CDKN2B-AS1: variants seen among roughly 807,000 people sequenced by gnomAD.
CDKN2B-AS1 encodes CDKN2B and CDKN2A antisense cis and trans regulatory RNA 1.
chr9:22,094,030 T>G (rs948860423), intron 4 of CDKN2B-AS1, among the ~76,000 whole-genome samples: 1 of 144,482 alleles, frequency 6.9e-6, no homozygotes, highest in African/African-American at 2.9e-5. Flanking sequence ...CAAAATCTCT[T>G]AGCATTTGCT....
intron 4 of CDKN2B-AS1, among the ~76,000 whole-genome samples, chr9:22,057,674 G>T (rs1029221492): frequency 6.6e-6 from 1 of 152,128 alleles, no homozygotes; most frequent in Admixed American, 6.5e-5. Context: ...CAGGTGTGGT[G>T]GTGGGCACCT....
chr9:22,035,746 G>A (rs1822660782), intron 1 of CDKN2B-AS1, among the ~76,000 whole-genome samples: 1 of 152,134 alleles, frequency 6.6e-6, no homozygotes, highest in Admixed American at 6.5e-5. Context: ...TCTTTCTGTG[G>A]TGTTTCCAGA....
intron 1 of CDKN2B-AS1, among the ~76,000 whole-genome samples, chr9:22,007,372 T>C (rs1004483606): frequency 6.6e-6 from 1 of 151,568 alleles, no homozygotes; most frequent in Non-Finnish European, 1.5e-5. Context: ...AAAAATAAAA[T>C]AAATAAATAA....
chr9:22,013,731 T>G (rs1051563389), intron 1 of CDKN2B-AS1, among the ~76,000 whole-genome samples: 12 of 152,216 alleles, frequency 7.9e-5, no homozygotes, highest in African/African-American at 2.9e-4. Context: ...GGATTGCAAG[T>G]GTGAACCACT....
At chr9:22,017,308 C>G (rs1163801360) in intron 1 of CDKN2B-AS1, among the ~76,000 whole-genome samples, 3 of 152,116 alleles carry the variant, frequency 2.0e-5, no homozygotes, top group African/African-American at 7.2e-5. Context: ...CACCTGTAGT[C>G]CCAGCTACTC....
chr9:22,036,473 A>G (rs760090753), intron 1 of CDKN2B-AS1, among the ~76,000 whole-genome samples: 2 of 152,106 alleles, frequency 1.3e-5, no homozygotes, highest in Non-Finnish European at 2.9e-5. Context: ...TCAAATAACA[A>G]AGTTAGTCTA....
At chr9:22,016,393 A>G (rs571047741) in intron 1 of CDKN2B-AS1, among the ~76,000 whole-genome samples, 4 of 152,348 alleles carry the variant, frequency 2.6e-5, no homozygotes, top group Admixed American at 6.5e-5. Context: ...TATAGATTCA[A>G]TGTCATCCCC....
intron 4 of CDKN2B-AS1, among the ~76,000 whole-genome samples, chr9:22,072,829 C>T (rs543092109): frequency 6.6e-6 from 1 of 152,260 alleles, no homozygotes; most frequent in South Asian, 2.1e-4. Context: ...TGACTACTGT[C>T]TTAACTTTGT....
chr9:22,107,725 A>G (rs1435899010), intron 4 of CDKN2B-AS1, among the ~76,000 whole-genome samples: 1 of 152,202 alleles, frequency 6.6e-6, no homozygotes. Flanking sequence ...ACTGGTCATT[A>G]TAGTCTTCCA....
At chr9:22,074,170 G>A (rs535547120) in intron 4 of CDKN2B-AS1, among the ~76,000 whole-genome samples, 1 of 152,216 alleles carries the variant, frequency 6.6e-6, no homozygotes, top group African/African-American at 2.4e-5. Flanking sequence ...GCACCTAGAG[G>A]ATTTCAATAA....
In CDKN2B-AS1 at chr9:22,083,813, T is replaced by C. The variant is rs1230570721; in HGVS notation, n.438+27426T>C. ...AGATGGACTGGTCCTGTGGATTTAG[T>C]TGGATATTAGAGTCTAACGCTTAGA... On this transcript the variant is annotated intron_variant and non_coding_transcript_variant, in intron 4 of 4. Coordinates refer to ENST00000650946, the Ensembl canonical transcript of CDKN2B-AS1. Among the ~76,000 whole-genome samples the C allele has an allele frequency of 6.6e-5, 10 of 152,144 alleles. No homozygotes were observed. In the East Asian group the frequency reaches 1.9e-3, roughly 29 times the overall value.
At chr9:22,015,159 G>T (rs1022811482) in intron 1 of CDKN2B-AS1, among the ~76,000 whole-genome samples, 1 of 152,010 alleles carries the variant, frequency 6.6e-6, no homozygotes, top group Non-Finnish European at 1.5e-5. Context: ...GGTATTTCTA[G>T]TTCTAGATCC....
At chr9:22,030,654 A>G (rs537756609) in intron 1 of CDKN2B-AS1, 2 of 152,102 alleles carry the variant, frequency 1.3e-5, no homozygotes, top group Non-Finnish European at 2.9e-5. Context: ...ATTCAGGTCT[A>G]GCTCTGCAAC....
At position 22,093,614 on chromosome 9, in the gene CDKN2B-AS1, T is replaced by C. The variant is rs1215713233; in HGVS notation, n.439-33489T>C. 2.2e-5 allele frequency among the ~76,000 whole-genome samples: 3 copies of C among 137,216 alleles called. 1 individual carries two copies. Among genetic ancestry groups the C allele is most frequent in the African/African-American group, 9.8e-5 (3 of 30,558 alleles). 90.0% of individuals were successfully genotyped at this position (137,216 alleles called of 152,430 possible). ...CTTTTGATTTTGTTGGTTTAAAGTCTGTTTTATCAGAGACTAGGATTGCAA... is the reference window on the plus strand; with the variant it reads ...CTTTTGATTTTGTTGGTTTAAAGTCCGTTTTATCAGAGACTAGGATTGCAA... On this transcript the variant is annotated intron_variant and non_coding_transcript_variant, in intron 4 of 4. Transcript: ENST00000650946.
At chr9:22,062,512 G>A (rs1563956143) in intron 4 of CDKN2B-AS1, among the ~76,000 whole-genome samples, 3 of 152,130 alleles carry the variant, frequency 2.0e-5, no homozygotes, top group Admixed American at 6.5e-5. Context: ...CCAGGGCTGT[G>A]GGCTGTGTCA....
At chr9:22,111,757 G>A (rs1825810428) in intron 4 of CDKN2B-AS1, among the ~76,000 whole-genome samples, 2 of 152,136 alleles carry the variant, frequency 1.3e-5, no homozygotes. Flanking sequence ...TAGATAATAA[G>A]TGAGACAAGC....
intron 1 of CDKN2B-AS1, among the ~76,000 whole-genome samples, chr9:22,038,267 T>C (rs1008975106): frequency 6.6e-6 from 1 of 152,054 alleles, no homozygotes; most frequent in South Asian, 2.1e-4. Flanking sequence ...GTAGGAGGTA[T>C]GAGTTTGCCA....
intron 4 of CDKN2B-AS1, among the ~76,000 whole-genome samples, chr9:22,125,706 C>G (rs1386619646): frequency 4.6e-5 from 7 of 152,150 alleles, no homozygotes; most frequent in Non-Finnish European, 7.3e-5. Context: ...TACAGCTATG[C>G]TCACAAATAT....
At chr9:22,091,178 TG>T (rs1042178614) in intron 4 of CDKN2B-AS1, among the ~76,000 whole-genome samples, 17 of 152,320 alleles carry the variant, frequency 1.1e-4, no homozygotes, top group Admixed American at 1.1e-3. Context: ...TCTGTTCCAT[TG>T]GTCTATATCT....
Sources: allele counts gnomAD v4.1 joint callset (sites outside exome capture counted in the v4.1 genomes callset), GRCh38; gene constraint gnomAD v4.1.1; transcripts MANE v1.5; gene names NCBI Gene and HGNC (gene_info 2026-07-23, HGNC 2026-07-21).